The following MAP7D1 variants were observed in gnomAD, a reference collection of about 807,000 sequenced individuals.
MAP7D1 encodes MAP7 domain containing 1, also known as MAP7 domain-containing protein 1.
A neutral mutation model predicts 97.5 loss-of-function variants in MAP7D1; 30 were observed. That is an observed-to-expected ratio of 0.31 (90% CI 0.23 to 0.42). The LOEUF (loss-of-function observed/expected upper bound fraction) is 0.42. Ranked by LOEUF, MAP7D1 falls within the 10% of genes least tolerant of loss-of-function variation. MAP7D1 has a pLI of 1.00. For synonymous variants in MAP7D1, 536 were observed against 477.1 expected, an observed-to-expected ratio of 1.12 and a Z score of -1.61; for missense variants, 1,184 against 1,179.5, an observed-to-expected ratio of 1.00 and a Z score of -0.06.
Position 36,176,519 on chromosome 1 carries a change from C to T in MAP7D1, c.1171C>T (p.Arg391Cys), listed in dbSNP as rs1265353190. 3 of 1,370,756 alleles carry T rather than the reference C, an allele frequency of 2.2e-6. No individual in the cohort carries two copies. Among genetic ancestry groups the T allele is most frequent in the South Asian group, 3.1e-5 (2 of 63,944 alleles). 84.9% of individuals were successfully genotyped at this position (1,370,756 alleles called of 1,614,324 possible). A position where few individuals can be genotyped will look rare whatever the true frequency, so the allele number is the denominator to read the frequency against. Residue 391 changes from arginine to cysteine, a missense_variant, in exon 7 of 17, where the codon CGC becomes TGC. Physicochemically the swap from Arg to Cys is radical, Grantham distance 180. Coordinates refer to ENST00000474796, the MANE Select transcript of MAP7D1 (RefSeq NM_001388490.1). This position sits in a 1 kb window ranked among gnomAD's most constrained non-coding sequence, Gnocchi z 6.1. Reference protein sequence around the residue: ...RCAPAGERGERRKPNAGGSPA... With the variant: ...RCAPAGERGECRKPNAGGSPA... ...CGCCCCCGCCGGTGAGCGCGGGGAG[C>T]GCCGCAAGCCCAACGCCGGGGGCAG...
intron 13 of MAP7D1, 39 bp downstream of exon 13, chr1:36,179,354 G>C (rs1159575706): frequency 6.2e-7 from 1 of 1,611,244 alleles, no homozygotes. Flanking sequence ...GGCGTGGGGG[G>C]CAGGGTGTGA....
intron 16 of MAP7D1, 38 bp downstream of exon 16, chr1:36,180,105 C>T (rs1336980256): frequency 6.2e-7 from 1 of 1,611,224 alleles, no homozygotes; most frequent in Non-Finnish European, 8.5e-7. Context: ...TCCATTCCTC[C>T]CAGCAGCCTT....
Position 36,171,249 on chromosome 1 carries a change from C to A in MAP7D1, c.325C>A (p.Pro109Thr). 6.2e-7 allele frequency: 1 copy of A among 1,601,620 alleles called. No homozygotes were observed. Among genetic ancestry groups the A allele is most frequent in the Non-Finnish European group, 8.5e-7 (1 of 1,174,152 alleles). Residue 109 changes from proline to threonine, a missense_variant, in exon 2 of 17, where the codon CCT (proline) becomes ACT (threonine). Transcript: ENST00000474796. ...PAMGPRDARP[P>T]RRSSQPSPTA... ...CATGGGCCCACGGGATGCCAGACCT[C>A]CTCGAAGGAGCAGCCAGCCATCTCC...
chr1:36,173,598 G>A, intron 5 of MAP7D1, 120 bp downstream of exon 5: 2 of 667,132 alleles, frequency 3.0e-6, no homozygotes, highest in Non-Finnish European at 5.1e-6. Flanking sequence ...CTTGCTTTAT[G>A]TGACTTGTGT....
intron 1 of MAP7D1, among the ~76,000 whole-genome samples, chr1:36,162,418 A>G (rs1339828450): frequency 6.6e-6 from 1 of 152,228 alleles, no homozygotes; most frequent in African/African-American, 2.4e-5. Context: ...GAGAACACGC[A>G]GGAGCTTCAG....
At chr1:36,178,623 G>C in intron 10 of MAP7D1, 27 bp downstream of exon 10, 1 of 1,549,568 alleles carries the variant, frequency 6.5e-7, no homozygotes, top group Admixed American at 1.9e-5. Context: ...GACTGAGGGG[G>C]CCCTCGTGGG....
intron 8 of MAP7D1, 44 bp from the exon 9 acceptor site, chr1:36,177,829 G>A (rs1644649799): frequency 3.3e-6 from 5 of 1,520,992 alleles, no homozygotes; most frequent in East Asian, 4.5e-5. Flanking sequence ...TCAGCGTGTG[G>A]GTGTGTGTGT....
In MAP7D1 at chr1:36,176,405, C is replaced by A; in HGVS notation, c.1057C>A (p.His353Asn). Residue 353 changes from histidine (H) to asparagine (N), a missense_variant, in exon 7 of 17, where the codon CAT (histidine) becomes AAT (asparagine). Transcript: ENST00000474796. The surrounding 1 kb of genome is among the most constrained non-coding windows in gnomAD (Gnocchi z 6.1). ...GCGCGGGCCGCAACCCGACCGCACT[C>A]ATCCCTCTGCAGCCGTGCCGGTGTG... is the stretch of plus-strand genomic sequence containing the variant. ...LARGPQPDRT[H>N]PSAAVPVCPR... 6.5e-7 allele frequency: 1 copy of A among 1,534,026 alleles called. No homozygotes were observed. Among genetic ancestry groups the A allele is most frequent in the East Asian group, 2.5e-5 (1 of 39,728 alleles).
chr1:36,161,304 G>T (rs1280882917), intron 1 of MAP7D1, among the ~76,000 whole-genome samples: 1 of 152,138 alleles, frequency 6.6e-6, no homozygotes, highest in Non-Finnish European at 1.5e-5. Context: ...CTCCTCTCCC[G>T]GCCCCACAAT....
chr1:36,158,133 C>T (rs1301872143), intron 1 of MAP7D1, among the ~76,000 whole-genome samples: 2 of 106,390 alleles, frequency 1.9e-5, no homozygotes, highest in Non-Finnish European at 5.4e-5. Context: ...GCTTGGCTCT[C>T]CTAGGGGCAG....
chr1:36,176,303 C>T lies in MAP7D1; in HGVS notation c.955C>T (p.Arg319Cys), dbSNP rs1231355042. Residue 319 changes from arginine to cysteine, a missense_variant, in exon 7 of 17, where the codon CGC becomes TGC. Coordinates refer to ENST00000474796, the MANE Select transcript of MAP7D1 (RefSeq NM_001388490.1). This position sits in a 1 kb window ranked among gnomAD's most constrained non-coding sequence, Gnocchi z 6.1. ...GAGTCGCAGCGCGGTCACACTGCCCCGCAACGGCCGGGACCAGGGTAGGGG... is the reference window on the plus strand; with the variant it reads ...GAGTCGCAGCGCGGTCACACTGCCCTGCAACGGCCGGGACCAGGGTAGGGG... ...ARSRSAVTLP[R>C]NGRDQGRGCD... The T allele has an allele frequency of 1.3e-6, 2 of 1,570,796 alleles. No homozygotes were observed. The highest frequency in any genetic ancestry group is 1.7e-6 in the Non-Finnish European group (2 of 1,160,874).
intron 5 of MAP7D1, among the ~76,000 whole-genome samples, chr1:36,173,818 G>T (rs569350389): frequency 6.6e-6 from 1 of 152,308 alleles, no homozygotes; most frequent in South Asian, 2.1e-4. Flanking sequence ...GTCACTCCTT[G>T]TCTCGGAAGG....
chr1:36,167,425 G>A lies in MAP7D1; in HGVS notation c.47-3546G>A, dbSNP rs534056350. On this transcript the variant is annotated intron_variant, in intron 1 of 16. Coordinates refer to ENST00000474796, the MANE Select transcript of MAP7D1 (RefSeq NM_001388490.1). ...CTGGATTTAGCAGCATGGAGGTCACGGGTGTCCTTGAGAAGTGCAATGTTG... is the reference window on the plus strand; with the variant it reads ...CTGGATTTAGCAGCATGGAGGTCACAGGTGTCCTTGAGAAGTGCAATGTTG... 2.0e-5 allele frequency among the ~76,000 whole-genome samples: 3 copies of A among 152,316 alleles called. No homozygotes were observed. In the East Asian group the frequency reaches 5.8e-4, roughly 29 times the overall value.
At chr1:36,168,870 C>G (rs774025644) in intron 1 of MAP7D1, among the ~76,000 whole-genome samples, 6 of 152,104 alleles carry the variant, frequency 3.9e-5, no homozygotes, top group Admixed American at 6.5e-5. Flanking sequence ...CTCAAATTAC[C>G]TCTTTTTTTT....
At chr1:36,162,977 G>T (rs1174187261) in intron 1 of MAP7D1, among the ~76,000 whole-genome samples, 3 of 152,288 alleles carry the variant, frequency 2.0e-5, no homozygotes, top group Non-Finnish European at 4.4e-5. Context: ...AAGGGCAGGG[G>T]GTGGCAGGCA....
chr1:36,160,988 G>A (rs553788004), intron 1 of MAP7D1, among the ~76,000 whole-genome samples: 1 of 152,372 alleles, frequency 6.6e-6, no homozygotes, highest in East Asian at 1.9e-4. Context: ...AGCCCTGCTG[G>A]GGCTGAGGGA....
intron 1 of MAP7D1, 96 bp downstream of exon 1, chr1:36,156,559 G>C (rs898330123): frequency 2.9e-6 from 3 of 1,033,206 alleles, no homozygotes; most frequent in Non-Finnish European, 3.9e-6. Context: ...GGACCCCTCC[G>C]CTGCCGCGCC....
At chr1:36,157,468 C>T (rs1354573154) in intron 1 of MAP7D1, among the ~76,000 whole-genome samples, 2 of 152,214 alleles carry the variant, frequency 1.3e-5, no homozygotes, top group African/African-American at 2.4e-5. Context: ...CTGCAAATCC[C>T]ATTCGGATCT....
Position 36,176,573 on chromosome 1 carries a change from G to A in MAP7D1, c.1225G>A (p.Ala409Thr). 2 of 1,505,428 alleles carry A rather than the reference G, an allele frequency of 1.3e-6. No individual in the cohort carries two copies. The highest frequency in any genetic ancestry group is 1.8e-6 in the Non-Finnish European group (2 of 1,128,030). 93.3% of individuals were successfully genotyped at this position (1,505,428 alleles called of 1,614,324 possible). Residue 409 changes from alanine to threonine, a missense_variant, in exon 7 of 17, where the codon GCC becomes ACC. Physicochemically the swap from Ala to Thr is moderately conservative, Grantham distance 58 (BLOSUM62 0). Coordinates refer to ENST00000474796, the MANE Select transcript of MAP7D1 (RefSeq NM_001388490.1). This position sits in a 1 kb window ranked among gnomAD's most constrained non-coding sequence, Gnocchi z 6.1. ...CGCTCCGGTGCGCCGCCGGCCGGAG[G>A]CCTCGCCGGTGAGTGGCTCTACTGG... is the stretch of plus-strand genomic sequence containing the variant. ...SPAPVRRRPE[A>T]SPVQKKEKKD...
Sources: gnomAD v4.1 joint callset for allele counts (sites outside exome capture counted in the v4.1 genomes callset) on GRCh38, gnomAD v4.1.1 for gene constraint, Gnocchi (gnomAD v3.1) non-coding constraint, MANE v1.5 for transcripts, NCBI Gene and HGNC (gene_info 2026-07-23, HGNC 2026-07-21) for gene names.